The following EPN2 variants were observed in gnomAD, a reference collection of about 807,000 sequenced individuals.
The protein encoded by EPN2 is epsin-2.
In EPN2, 34 loss-of-function variants were observed where a neutral mutation model predicts 61.7. The observed-to-expected ratio is 0.55, with a 90% CI of 0.42 to 0.73. The LOEUF (loss-of-function observed/expected upper bound fraction) is 0.73. Among genes scored for constraint, EPN2 ranks in the 30% least tolerant of loss-of-function variants. The pLI is 0.00. For missense variants in EPN2, 714 were observed against 839.2 expected, an observed-to-expected ratio of 0.85 and a Z score of 1.84; for synonymous variants, 349 against 353.6, an observed-to-expected ratio of 0.99 and a Z score of 0.15.
Position 19,313,251 on chromosome 17 carries a change from G to C in EPN2, c.1119G>C (p.Ala373=). 1 of 1,578,472 alleles carries C rather than the reference G, an allele frequency of 6.3e-7. No homozygotes were observed. The highest frequency in any genetic ancestry group is 8.6e-7 in the Non-Finnish European group (1 of 1,165,846). ...CCTGGGGCGGGCCAGCGGCTCCTGCGAGTACTTCAGACCCCTGGCCATCGT... is the reference window on the plus strand; with the variant it reads ...CCTGGGGCGGGCCAGCGGCTCCTGCCAGTACTTCAGACCCCTGGCCATCGT... The part of the protein sequence containing the change: ...TNPWGGPAAP[A]STSDPWPSFG... The change falls in exon 7 of 11, where the codon GCG becomes GCC. Residue 373 remains alanine, a synonymous_variant. Transcript: ENST00000314728.
intron 6 of EPN2, 51 bp from the exon 7 acceptor site, chr17:19,313,054 T>C: frequency 2.5e-6 from 4 of 1,578,894 alleles, no homozygotes; most frequent in Non-Finnish European, 3.5e-6. Flanking sequence ...CATGAGTATT[T>C]GCTGTAACTG....
In EPN2 at chr17:19,329,640, A is replaced by G; in HGVS notation, c.1404A>G (p.Lys468=). 1 of 1,597,712 alleles carries G rather than the reference A, an allele frequency of 6.3e-7. No individual in the cohort carries two copies. The highest frequency in any genetic ancestry group is 8.6e-7 in the Non-Finnish European group (1 of 1,165,012). Residue 468 remains lysine, a synonymous_variant, in exon 9 of 11, where the codon AAA becomes AAG. Transcript: ENST00000314728. ...AATTTGACAACCTTCGGACTTCAAA[A>G]AAAACAGGTATGTACAGGTGATGAT... is the stretch of plus-strand genomic sequence containing the variant. The part of the protein sequence containing the change: ...FSEFDNLRTS[K]KTAESVTSLP...
chr17:19,309,955 G>A lies in EPN2; in HGVS notation c.837G>A (p.Gln279=). Reference sequence around the variant, plus strand: ...AGACTAGTGGAGAAGAGGAGCTTCAGCTGCAGCTGGCACTTGCCATGAGCA... The same window carrying A: ...AGACTAGTGGAGAAGAGGAGCTTCAACTGCAGCTGGCACTTGCCATGAGCA... ...RPQTSGEEEL[Q]LQLALAMSRE... Residue 279 remains glutamine (Q), a synonymous_variant, in exon 5 of 11, where the codon CAG becomes CAA. Coordinates refer to ENST00000314728, the MANE Select transcript of EPN2 (RefSeq NM_014964.5). 6.2e-7 allele frequency: 1 copy of A among 1,608,998 alleles called. No homozygotes were observed. Among genetic ancestry groups the A allele is most frequent in the African/African-American group, 1.3e-5 (1 of 75,074 alleles).
At chr17:19,240,996 T>C (rs1399871138) in intron 1 of EPN2, among the ~76,000 whole-genome samples, 2 of 152,198 alleles carry the variant, frequency 1.3e-5, no homozygotes, top group Non-Finnish European at 2.9e-5. Flanking sequence ...CATAGGTTTA[T>C]CCACCTCATC....
chr17:19,326,687 A>AAAAAG (rs1491384809), intron 7 of EPN2, among the ~76,000 whole-genome samples: 1 of 8,286 alleles, frequency 1.2e-4, no homozygotes, highest in Non-Finnish European at 4.0e-4. Context: ...ACTCCGTCTC[A>AAAAAG]AAAAAAAAAA....
intron 1 of EPN2, among the ~76,000 whole-genome samples, chr17:19,263,426 CT>C (rs2045164872): frequency 6.6e-6 from 1 of 152,120 alleles, no homozygotes; most frequent in Non-Finnish European, 1.5e-5. Context: ...GTGGGTTGGC[CT>C]TGAAAGCTGG....
Position 19,309,953 on chromosome 17 carries a change from C to T in EPN2, c.835C>T (p.Gln279Ter), listed in dbSNP as rs1466184644. 1 of 1,609,044 alleles carries T rather than the reference C, an allele frequency of 6.2e-7. No individual in the cohort carries two copies. The highest frequency in any genetic ancestry group is 8.5e-7 in the Non-Finnish European group (1 of 1,180,004). ...RPQTSGEEEL[Q>*]LQLALAMSRE... ...CCAGACTAGTGGAGAAGAGGAGCTT[C>T]AGCTGCAGCTGGCACTTGCCATGAG... is the stretch of plus-strand genomic sequence containing the variant. Residue 279 changes from glutamine to a stop codon, truncating the protein, a stop_gained, in exon 5 of 11, where the codon CAG (glutamine) becomes TAG (stop). Coordinates refer to ENST00000314728, the MANE Select transcript of EPN2 (RefSeq NM_014964.5). LOFTEE classifies it high-confidence loss of function.
intron 4 of EPN2, among the ~76,000 whole-genome samples, chr17:19,291,880 T>G (rs1051459053): frequency 1.3e-5 from 2 of 152,132 alleles, no homozygotes; most frequent in African/African-American, 2.4e-5. Flanking sequence ...CAAGGGAACC[T>G]CAGGGGTGAA....
chr17:19,300,387 G>GT (rs1465209947), intron 4 of EPN2, among the ~76,000 whole-genome samples: 1 of 150,074 alleles, frequency 6.7e-6, no homozygotes, highest in African/African-American at 2.5e-5. Context: ...AGGATTTAAG[G>GT]TAAGTATGTG....
chr17:19,296,458 G>A (rs1389130518), intron 4 of EPN2: 2 of 152,014 alleles, frequency 1.3e-5, no homozygotes, highest in Non-Finnish European at 2.9e-5. Context: ...GCTCCTGCTA[G>A]ATTTTTGGTA....
chr17:19,321,565 C>G (rs1307389091), intron 7 of EPN2, among the ~76,000 whole-genome samples: 2 of 152,090 alleles, frequency 1.3e-5, no homozygotes, highest in African/African-American at 2.4e-5. Flanking sequence ...GGCATCCTTG[C>G]AGGAGAAAGC....
chr17:19,305,923 T>A (rs562349082), intron 4 of EPN2: 8 of 152,324 alleles, frequency 5.3e-5, no homozygotes, highest in Non-Finnish European at 1.2e-4. Context: ...CTGGAAAGGA[T>A]AGAAATAAGG....
chr17:19,333,884 A>C, intron 10 of EPN2, 72 bp from the exon 11 acceptor site: 1 of 1,332,710 alleles, frequency 7.5e-7, no homozygotes. Context: ...ACCCGCATGC[A>C]GTCCCTGACC....
intron 4 of EPN2, among the ~76,000 whole-genome samples, chr17:19,307,595 G>A (rs527879330): frequency 5.3e-5 from 8 of 152,268 alleles, no homozygotes; most frequent in South Asian, 2.1e-4. Context: ...TGCCTGCCTC[G>A]GCATCCCGAA....
chr17:19,314,838 C>T (rs1906311661), intron 7 of EPN2, among the ~76,000 whole-genome samples: 1 of 152,210 alleles, frequency 6.6e-6, no homozygotes, highest in Admixed American at 6.5e-5. Flanking sequence ...ACTGTGGTGC[C>T]CCAGGGCTGG....
chr17:19,277,995 A>C (rs1296465398), intron 1 of EPN2, among the ~76,000 whole-genome samples: 4 of 150,456 alleles, frequency 2.7e-5, no homozygotes, highest in African/African-American at 9.8e-5. Flanking sequence ...AATGGTGTGA[A>C]CCTGGGAGGC....
At chr17:19,301,167 C>A (rs374335922) in intron 4 of EPN2, among the ~76,000 whole-genome samples, 3 of 152,270 alleles carry the variant, frequency 2.0e-5, no homozygotes, top group East Asian at 3.9e-4. Flanking sequence ...TCACCCCAGT[C>A]TCTGCCTCCA....
At chr17:19,253,665 T>G (rs1240280068) in intron 1 of EPN2, among the ~76,000 whole-genome samples, 1 of 152,092 alleles carries the variant, frequency 6.6e-6, no homozygotes, top group East Asian at 1.9e-4. Flanking sequence ...TCCCACAGTG[T>G]TGGGATTATA....
At chr17:19,290,381 T>A (rs2045451224) in intron 4 of EPN2, among the ~76,000 whole-genome samples, 1 of 152,112 alleles carries the variant, frequency 6.6e-6, no homozygotes, top group African/African-American at 2.4e-5. Context: ...ACAGAAGTTC[T>A]TGGGGTAGAC....
Sources: gnomAD v4.1 joint callset for allele counts (sites outside exome capture counted in the v4.1 genomes callset) on GRCh38, gnomAD v4.1.1 for gene constraint, MANE v1.5 for transcripts, NCBI Gene and HGNC (gene_info 2026-07-23, HGNC 2026-07-21) for gene names.